Variants in PRPF18 observed in about 807,000 individuals in gnomAD.
The protein encoded by PRPF18 is pre-mRNA-splicing factor 18.
Under a neutral mutation model 46.5 loss-of-function variants are expected in PRPF18, and 38 were observed. The observed-to-expected ratio is 0.82, with a 90% CI of 0.63 to 1.07. The LOEUF (loss-of-function observed/expected upper bound fraction) is 1.07, where lower values mean the gene tolerates loss of function less well. Among genes scored for constraint, PRPF18 ranks in the 50% least tolerant of loss-of-function variants. The pLI, the probability that PRPF18 is intolerant of heterozygous loss-of-function variation, is 0.00. For synonymous variants in PRPF18, 152 were observed against 146.7 expected (o/e 1.04, Z -0.26); for missense variants, 263 against 410.0 (o/e 0.64, Z 3.10).
the PRPF18 span, chr10:13,647,779 T>C: frequency 6.7e-6 from 1 of 149,746 alleles, no homozygotes; most frequent in Non-Finnish European, 1.5e-5. Flanking sequence ...ACCATTTAGG[T>C]TGGGTAGAAG....
At chr10:13,651,536 T>C in the PRPF18 span, 1 of 202,678 alleles carries the variant, frequency 4.9e-6, no homozygotes, top group African/African-American at 2.3e-5. Flanking sequence ...CTACTAAAAA[T>C]ACAAAAATTA....
At chr10:13,640,152 C>G in the PRPF18 span, 1 of 152,238 alleles carries the variant, frequency 6.6e-6, no homozygotes, top group African/African-American at 2.4e-5. Flanking sequence ...GGTTTCACTC[C>G]CAGCTCCTGG....
chr10:13,649,981 CTGGGTCACAG>C, the PRPF18 span, among the ~76,000 whole-genome samples: 1 of 152,326 alleles, frequency 6.6e-6, no homozygotes, highest in South Asian at 2.1e-4. Context: ...CCTGGGCAGT[CTGGGTCACAG>C]CAAGTGGTGA....
chr10:13,632,625 G>A (rs1198823865), downstream of PRPF18: 2 of 152,172 alleles, frequency 1.3e-5, no homozygotes, highest in African/African-American at 4.8e-5. Context: ...TGGTCAGTGT[G>A]GTAGATGGTT....
intron 8 of PRPF18, among the ~76,000 whole-genome samples, chr10:13,614,401 A>G (rs551451926): frequency 4.5e-4 from 68 of 152,306 alleles, no homozygotes; most frequent in Non-Finnish European, 8.2e-4. Context: ...AGTTTTGTAA[A>G]TGGCTGATTA....
At chr10:13,614,641 C>T (rs1398787168) in intron 8 of PRPF18, among the ~76,000 whole-genome samples, 1 of 152,206 alleles carries the variant, frequency 6.6e-6, no homozygotes, top group Non-Finnish European at 1.5e-5. Flanking sequence ...GTCTCTCCTC[C>T]CTTGCCCCAG....
intron 1 of PRPF18, chr10:13,591,494 G>T: frequency 3.0e-6 from 2 of 663,662 alleles, no homozygotes; most frequent in East Asian, 2.6e-5. Flanking sequence ...TCCATGAGTC[G>T]GGGCAAACAC....
At chr10:13,596,190 A>G (rs752547558) in intron 1 of PRPF18, among the ~76,000 whole-genome samples, 15 of 152,178 alleles carry the variant, frequency 9.9e-5, no homozygotes, top group Non-Finnish European at 1.9e-4. Flanking sequence ...GACTTGCTGG[A>G]GAAACTGGGG....
At chr10:13,610,295 C>G in intron 5 of PRPF18, 110 bp downstream of exon 5, 1 of 1,217,694 alleles carries the variant, frequency 8.2e-7, no homozygotes, top group East Asian at 2.5e-5. Flanking sequence ...TGTCCTTGGT[C>G]TTTTGTTTAT....
At chr10:13,595,917 A>G (rs911534795) in intron 1 of PRPF18, among the ~76,000 whole-genome samples, 1 of 152,232 alleles carries the variant, frequency 6.6e-6, no homozygotes, top group Non-Finnish European at 1.5e-5. Context: ...GCAGCTCTAG[A>G]AAATGACATG....
At chr10:13,640,185 T>C in the PRPF18 span, 1 of 152,264 alleles carries the variant, frequency 6.6e-6, no homozygotes, top group African/African-American at 2.4e-5. Flanking sequence ...ATTTTAATGA[T>C]CCCAGCCTTG....
chr10:13,652,585 TG>T, the PRPF18 span: 1 of 153,496 alleles, frequency 6.5e-6, no homozygotes, highest in Admixed American at 6.5e-5. Flanking sequence ...AGGTGAGAGC[TG>T]GGGTGTGGGT....
chr10:13,620,589 TC>T (rs2080407761), intron 9 of PRPF18, among the ~76,000 whole-genome samples: 1 of 152,202 alleles, frequency 6.6e-6, no homozygotes, highest in Non-Finnish European at 1.5e-5. Context: ...GCCTGAATCC[TC>T]CTCCTCCTAT....
rs1463840435 is a variant in PRPF18 at position 13,592,238 on chromosome 10, TTTTTC to T, written c.66+5087_66+5091del. The T allele has an allele frequency of 3.7e-4, 202 of 545,880 alleles. 7 individuals are homozygous for T. Among genetic ancestry groups the T allele is most frequent in the South Asian group, 2.5e-3 (159 of 63,884 alleles). The allele number at this position is 545,880 out of a possible 1,614,324, so 33.8% of individuals were successfully genotyped here. ...GGGCTTCTTAGCCTTGAGGTGACCC[TTTTTC>T]ACCTTGTCACCAGCCTCAGCCTTCT... On this transcript the variant is annotated intron_variant, in intron 1 of 9. Coordinates refer to ENST00000378572, the MANE Select transcript of PRPF18 (RefSeq NM_003675.4).
intron 3 of PRPF18, among the ~76,000 whole-genome samples, chr10:13,600,952 T>C (rs2080099107): frequency 6.6e-6 from 1 of 152,094 alleles, no homozygotes; most frequent in African/African-American, 2.4e-5. Flanking sequence ...AATTTTTTTT[T>C]GTATTTTTAG....
chr10:13,604,252 T>G (rs1276552352), intron 3 of PRPF18, among the ~76,000 whole-genome samples: 1 of 152,214 alleles, frequency 6.6e-6, no homozygotes, highest in East Asian at 1.9e-4. Flanking sequence ...TGTGATGCTA[T>G]TTATGCTCCC....
At chr10:13,633,528 A>T (rs547942694), downstream of PRPF18, among the ~76,000 whole-genome samples, 1 of 152,318 alleles carries the variant, frequency 6.6e-6, no homozygotes, top group Admixed American at 6.5e-5. Context: ...TTGGGGATTC[A>T]TATCATTGGC....
At chr10:13,622,266 A>C (rs763762588) in intron 9 of PRPF18, among the ~76,000 whole-genome samples, 5 of 152,244 alleles carry the variant, frequency 3.3e-5, no homozygotes, top group Non-Finnish European at 7.3e-5. Flanking sequence ...GCTAGTATTT[A>C]TGTTTTACAT....
At chr10:13,616,714 C>T (rs1253087351) in intron 9 of PRPF18, among the ~76,000 whole-genome samples, 161 bp downstream of exon 9, 1 of 152,180 alleles carries the variant, frequency 6.6e-6, no homozygotes. Context: ...GCCACCTTCA[C>T]TGAATAAAGT....
Sources: allele counts gnomAD v4.1 joint callset (sites outside exome capture counted in the v4.1 genomes callset), GRCh38; gene constraint gnomAD v4.1.1; transcripts MANE v1.5; gene names NCBI Gene and HGNC (gene_info 2026-07-23, HGNC 2026-07-21).